Variants in AUTS2 observed in about 807,000 individuals in gnomAD.
AUTS2 encodes the protein activator of transcription and developmental regulator AUTS2, also known as autism susceptibility gene 2 protein.
Under a neutral mutation model 112.4 loss-of-function variants are expected in AUTS2, and 17 were observed. That is an observed-to-expected ratio of 0.15 (90% CI 0.10 to 0.23). AUTS2 has a LOEUF of 0.23. AUTS2 is among the 10% of genes least tolerant of loss of function. AUTS2 has a pLI of 1.00. For missense variants in AUTS2, 1,510 were observed against 1,701.6 expected (o/e 0.89, Z 1.98); for synonymous variants, 751 against 702.7 (o/e 1.07, Z -1.09).
intron 2 of AUTS2, among the ~76,000 whole-genome samples, chr7:69,989,077 C>A (rs1234900139): frequency 6.6e-6 from 1 of 152,186 alleles, no homozygotes; most frequent in Non-Finnish European, 1.5e-5. Flanking sequence ...GAATAAATGG[C>A]ATGGTCTGAT....
intron 5 of AUTS2, among the ~76,000 whole-genome samples, chr7:70,515,217 G>A (rs1194333688): frequency 6.6e-6 from 1 of 152,166 alleles, no homozygotes; most frequent in African/African-American, 2.4e-5. Context: ...AACATGATCA[G>A]ATTTGCTATA....
chr7:70,065,426 G>T (rs971049016), intron 2 of AUTS2, among the ~76,000 whole-genome samples: 5 of 152,090 alleles, frequency 3.3e-5, no homozygotes, highest in African/African-American at 7.2e-5. Flanking sequence ...AGGCACGGTG[G>T]CTAACACCTG....
intron 5 of AUTS2, among the ~76,000 whole-genome samples, chr7:70,620,020 C>T (rs543486338): frequency 9.2e-4 from 140 of 152,322 alleles, no homozygotes; most frequent in Admixed American, 5.1e-3. Context: ...CCCTGCCACC[C>T]TCCCTGTACC....
chr7:69,970,756 A>G (rs1797817165), intron 2 of AUTS2, among the ~76,000 whole-genome samples: 1 of 152,186 alleles, frequency 6.6e-6, no homozygotes, highest in African/African-American at 2.4e-5. Flanking sequence ...TATATACATA[A>G]TACACCTTAT....
chr7:69,773,458 C>G lies in AUTS2; in HGVS notation c.310-125828C>G, dbSNP rs1024447265. Among the ~76,000 whole-genome samples, 13 of 56,412 alleles carry G rather than the reference C, an allele frequency of 2.3e-4. 1 individual carries two copies. The South Asian group carries it at 6.6e-3, about 29-fold the overall frequency. The allele number at this position is 56,412 out of a possible 152,430, so 37.0% of individuals were successfully genotyped here. On this transcript the variant is annotated intron_variant, in intron 1 of 18. Transcript: ENST00000342771. ...ACTGGAAATGCCAAGAGGCACAGAC[C>G]AAAAAAAAAAAAAAAAAAGCTTTAA...
At chr7:69,926,489 A>T (rs868110703) in intron 2 of AUTS2, among the ~76,000 whole-genome samples, 1 of 147,094 alleles carries the variant, frequency 6.8e-6, no homozygotes, top group African/African-American at 2.5e-5. Flanking sequence ...CTATCTATCT[A>T]TCTGCCTGCC....
At chr7:70,170,595 CTT>C (rs398005103) in intron 4 of AUTS2, among the ~76,000 whole-genome samples, 14 of 126,948 alleles carry the variant, frequency 1.1e-4, no homozygotes, top group Admixed American at 8.2e-5. Flanking sequence ...GACACGTTAT[CTT>C]TTTTTTTTTT....
intron 2 of AUTS2, among the ~76,000 whole-genome samples, chr7:70,030,156 A>G (rs992336321): frequency 6.6e-6 from 1 of 152,214 alleles, no homozygotes; most frequent in Non-Finnish European, 1.5e-5. Flanking sequence ...TACACCAGGA[A>G]TCACAGGTGT....
At chr7:69,659,585 T>TG (rs1795697508) in intron 1 of AUTS2, among the ~76,000 whole-genome samples, 2 of 139,638 alleles carry the variant, frequency 1.4e-5, no homozygotes, top group African/African-American at 5.4e-5. Context: ...GCTTAGTTGT[T>TG]TTTTTTTTTT....
intron 4 of AUTS2, among the ~76,000 whole-genome samples, chr7:70,335,710 T>C (rs1430783335): frequency 1.3e-5 from 2 of 152,022 alleles, no homozygotes; most frequent in Admixed American, 1.3e-4. Context: ...ACTGAAAAGA[T>C]GCATATGATT....
chr7:69,644,363 A>C (rs925622739), intron 1 of AUTS2, among the ~76,000 whole-genome samples: 1 of 152,088 alleles, frequency 6.6e-6, no homozygotes, highest in Non-Finnish European at 1.5e-5. Context: ...GTGATCCAAA[A>C]CATACTGTCT....
chr7:70,500,188 C>A (rs200008474), intron 5 of AUTS2, among the ~76,000 whole-genome samples: 93 of 145,308 alleles, frequency 6.4e-4, no homozygotes, highest in East Asian at 1.0e-3. Context: ...AAAAAAAAAA[C>A]AAAACAAAAA....
At chr7:70,034,553 A>G (rs575288981) in intron 2 of AUTS2, among the ~76,000 whole-genome samples, 2 of 152,244 alleles carry the variant, frequency 1.3e-5, no homozygotes, top group African/African-American at 2.4e-5. Context: ...GAACTTTTGC[A>G]TTAATACTAT....
chr7:69,614,188 A>C (rs901184211), intron 1 of AUTS2, among the ~76,000 whole-genome samples: 4 of 152,108 alleles, frequency 2.6e-5, no homozygotes, highest in Non-Finnish European at 4.4e-5. Flanking sequence ...TTCATTTACA[A>C]GGAATGGGGG....
chr7:70,107,405 G>A lies in AUTS2; in HGVS notation c.523-10727G>A, dbSNP rs115038929. ...TTTCGCCAGGCTGGAGTTCAGTAGC[G>A]TGATCTCGGTTCACTGCAACCTCCG... On this transcript the variant is annotated intron_variant, in intron 2 of 18. Transcript: ENST00000342771. 3.0e-3 allele frequency among the ~76,000 whole-genome samples: 417 copies of A among 140,826 alleles called. 4 individuals carry two copies. The highest frequency in any genetic ancestry group is 0.011 in the African/African-American group (403 of 37,622). 92.4% of individuals were successfully genotyped at this position (140,826 alleles called of 152,430 possible).
intron 1 of AUTS2, among the ~76,000 whole-genome samples, chr7:69,683,073 A>G (rs1469821394): frequency 6.6e-6 from 1 of 152,152 alleles, no homozygotes; most frequent in Non-Finnish European, 1.5e-5. Flanking sequence ...GAAAACCCCC[A>G]TTGCTGGGGG....
chr7:70,496,778 GTC>G (rs1798547615), intron 5 of AUTS2, among the ~76,000 whole-genome samples: 1 of 31,836 alleles, frequency 3.1e-5, no homozygotes. Context: ...CACGTACACA[GTC>G]AGACACACAC....
At chr7:69,666,512 T>A (rs1796050138) in intron 1 of AUTS2, among the ~76,000 whole-genome samples, 1 of 152,172 alleles carries the variant, frequency 6.6e-6, no homozygotes, top group Non-Finnish European at 1.5e-5. Context: ...ACCTACTTAC[T>A]TCTAAGCCGT....
At chr7:70,347,601 C>T (rs985235878) in intron 4 of AUTS2, among the ~76,000 whole-genome samples, 1 of 152,230 alleles carries the variant, frequency 6.6e-6, no homozygotes, top group Admixed American at 6.5e-5. Flanking sequence ...CCTACCTACA[C>T]TTCCCCCTCT....
Sources: gnomAD v4.1 joint callset for allele counts (sites outside exome capture counted in the v4.1 genomes callset) on GRCh38, gnomAD v4.1.1 for gene constraint, MANE v1.5 for transcripts, NCBI Gene and HGNC (gene_info 2026-07-23, HGNC 2026-07-21) for gene names.